MAP7: variants seen among roughly 807,000 people sequenced by gnomAD.
The protein encoded by MAP7 is microtubule associated protein 7.
MAP7 carries 52 observed loss-of-function variants against 94.8 expected under a neutral mutation model. The ratio of observed to expected loss-of-function variants is 0.55; its 90% CI spans 0.44 to 0.69. The LOEUF (loss-of-function observed/expected upper bound fraction) is 0.69. MAP7 is among the 30% of genes least tolerant of loss of function. MAP7 has a pLI of 0.00. For missense variants in MAP7, 940 were observed against 964.6 expected (o/e 0.97, Z 0.34); for synonymous variants, 350 against 357.0 (o/e 0.98, Z 0.22).
At chr6:136,486,802 A>G (rs1814927337) in intron 1 of MAP7, among the ~76,000 whole-genome samples, 1 of 152,268 alleles carries the variant, frequency 6.6e-6, no homozygotes, top group South Asian at 2.1e-4. Flanking sequence ...TCTCTGTAAT[A>G]GGAAGATATC....
intron 1 of MAP7, chr6:136,545,601 G>C (rs1829667696): frequency 6.6e-6 from 1 of 152,122 alleles, no homozygotes; most frequent in Non-Finnish European, 1.5e-5. Context: ...ATTCCTAACT[G>C]ACCTAGGACT....
intron 1 of MAP7, among the ~76,000 whole-genome samples, chr6:136,450,182 CT>C (rs1465360745): frequency 1.3e-5 from 2 of 152,116 alleles, no homozygotes; most frequent in East Asian, 1.9e-4. Context: ...AAAACTCTGT[CT>C]CAAAAATAAA....
chr6:136,518,845 A>G (rs1339398616), intron 1 of MAP7, among the ~76,000 whole-genome samples: 2 of 152,228 alleles, frequency 1.3e-5, no homozygotes, highest in Non-Finnish European at 2.9e-5. Context: ...GGCTCTAAGT[A>G]AACACTTAAT....
chr6:136,526,072 T>C, intron 1 of MAP7: 1 of 1,434,854 alleles, frequency 7.0e-7, no homozygotes, highest in Non-Finnish European at 9.0e-7. Context: ...GCCTGTTCAT[T>C]TGAGCACTTG....
chr6:136,449,611 C>T (rs1365031834), intron 1 of MAP7, among the ~76,000 whole-genome samples: 1 of 152,206 alleles, frequency 6.6e-6, no homozygotes, highest in Non-Finnish European at 1.5e-5. Flanking sequence ...GAGATTATGT[C>T]TCCCTAATGT....
At chr6:136,414,450 G>A (rs1415265970) in intron 2 of MAP7, among the ~76,000 whole-genome samples, 1 of 151,640 alleles carries the variant, frequency 6.6e-6, no homozygotes, top group Non-Finnish European at 1.5e-5. Context: ...ACCCTCTCAG[G>A]CAATTTATTA....
At chr6:136,423,782 G>GTTTTTTTTTTTTT (rs60134746) in intron 1 of MAP7, among the ~76,000 whole-genome samples, 4 of 136,118 alleles carry the variant, frequency 2.9e-5, no homozygotes, top group Non-Finnish European at 6.1e-5. Context: ...AGGGAGTTGT[G>GTTTTTTTTTTTTT]TTTTTTTTTT....
At chr6:136,489,091 T>C (rs1460280981) in intron 1 of MAP7, among the ~76,000 whole-genome samples, 3 of 152,128 alleles carry the variant, frequency 2.0e-5, no homozygotes, top group Non-Finnish European at 4.4e-5. Flanking sequence ...AAGAGATCAG[T>C]AGGTGCTCAT....
intron 5 of MAP7, 142 bp from the exon 6 acceptor site, chr6:136,383,923 G>T (rs555698263): frequency 1.7e-6 from 1 of 589,392 alleles, no homozygotes; most frequent in Non-Finnish European, 3.0e-6. Flanking sequence ...TTTCTAAGTG[G>T]ACATTTTAAA....
intron 1 of MAP7, among the ~76,000 whole-genome samples, chr6:136,489,250 G>T (rs1815765771): frequency 6.6e-6 from 1 of 151,918 alleles, no homozygotes; most frequent in Non-Finnish European, 1.5e-5. Flanking sequence ...TGTACTGACA[G>T]GTAAGGAATT....
chr6:136,409,803 G>A (rs1786855680), intron 3 of MAP7, among the ~76,000 whole-genome samples: 1 of 152,208 alleles, frequency 6.6e-6, no homozygotes, highest in Non-Finnish European at 1.5e-5. Context: ...AGGGCTGGGT[G>A]TCAACCTTTA....
chr6:136,421,755 G>T lies in MAP7; in HGVS notation c.112C>A (p.Arg38Ser). The change falls in exon 2 of 18, where the codon CGC becomes AGC. Residue 38 changes from arginine to serine, a missense_variant. Coordinates refer to ENST00000354570, the MANE Select transcript of MAP7 (RefSeq NM_003980.6). The part of the protein sequence containing the change: ...KVQDKKNASS[R>S]PASAISGQNN... Reference sequence around the variant, plus strand: ...TGTCCTGAAATTGCAGAGGCAGGGCGGCTGGAGGCATTTTTCTTATCTTGC... The same window carrying T: ...TGTCCTGAAATTGCAGAGGCAGGGCTGCTGGAGGCATTTTTCTTATCTTGC... 2 of 1,613,964 alleles carry T rather than the reference G, an allele frequency of 1.2e-6. No individual in the cohort carries two copies. The highest frequency in any genetic ancestry group is 2.2e-5 in the South Asian group (2 of 91,002).
intron 16 of MAP7, among the ~76,000 whole-genome samples, chr6:136,348,484 A>G (rs1788290129): frequency 6.6e-6 from 1 of 152,222 alleles, no homozygotes; most frequent in South Asian, 2.1e-4. Context: ...GTGTCCACTC[A>G]GAATAAGAGC....
chr6:136,526,410 T>C, intron 1 of MAP7: 1 of 988,446 alleles, frequency 1.0e-6, no homozygotes, highest in Non-Finnish European at 1.2e-6. Context: ...CTTTTTCCAA[T>C]CTTCTTCCTG....
intron 1 of MAP7, among the ~76,000 whole-genome samples, chr6:136,451,490 C>T (rs1182342943): frequency 3.3e-5 from 5 of 152,168 alleles, no homozygotes; most frequent in Non-Finnish European, 7.3e-5. Context: ...TCCAAGTGAT[C>T]TGATGGAGAT....
Position 136,362,467 on chromosome 6 carries a change from C to T in MAP7, c.1509G>A (p.Glu503=), listed in dbSNP as rs752809449. ...CCATTTACCTTTCAAGCTCTTCCTG[C>T]TCCCTCCTCTCCCTTTCTTCCTTTT... is the stretch of plus-strand genomic sequence containing the variant. ...QREKEERERR[E]QEELERQKRE... The change falls in exon 11 of 18, where the codon GAG becomes GAA. Residue 503 remains glutamate (E), a synonymous_variant. Coordinates refer to ENST00000354570, the MANE Select transcript of MAP7 (RefSeq NM_003980.6). The T allele has an allele frequency of 9.9e-6, 16 of 1,614,068 alleles. No individual in the cohort carries two copies. Among genetic ancestry groups the T allele is most frequent in the Non-Finnish European group, 1.4e-5 (16 of 1,180,010 alleles).
intron 1 of MAP7, among the ~76,000 whole-genome samples, chr6:136,525,352 GGAA>G (rs1276262704): frequency 6.6e-6 from 1 of 152,126 alleles, no homozygotes; most frequent in South Asian, 2.1e-4. Flanking sequence ...GTATAGAAAG[GGAA>G]GTGACATTTT....
chr6:136,445,183 C>T (rs1253794482), intron 1 of MAP7, among the ~76,000 whole-genome samples: 2 of 152,128 alleles, frequency 1.3e-5, no homozygotes, highest in East Asian at 3.8e-4. Context: ...CTGATCTGTC[C>T]TTTCTTACAG....
intron 16 of MAP7, among the ~76,000 whole-genome samples, chr6:136,347,038 T>C (rs1787898832): frequency 6.6e-6 from 1 of 152,198 alleles, no homozygotes; most frequent in South Asian, 2.1e-4. Context: ...ATCTTGGATT[T>C]ATTTTTGAGA....
Sources: allele counts gnomAD v4.1 joint callset (sites outside exome capture counted in the v4.1 genomes callset), GRCh38; gene constraint gnomAD v4.1.1; transcripts MANE v1.5; gene names NCBI Gene and HGNC (gene_info 2026-07-23, HGNC 2026-07-21).